Variants in PRR16 observed in about 807,000 individuals in gnomAD.
PRR16 encodes proline rich 16.
A neutral mutation model predicts 18.2 loss-of-function variants in PRR16; 6 were observed. That is an observed-to-expected ratio of 0.33 (90% CI 0.18 to 0.65). The LOEUF (loss-of-function observed/expected upper bound fraction) is 0.65, where lower values mean the gene tolerates loss of function less well. Ranked by LOEUF, PRR16 falls within the 30% of genes least tolerant of loss-of-function variation. The pLI is 0.74. For missense variants in PRR16, 412 were observed against 376.6 expected, an observed-to-expected ratio of 1.09 and a Z score of -0.78; for synonymous variants, 151 against 147.8, an observed-to-expected ratio of 1.02 and a Z score of -0.16.
chr5:120,677,711 G>A (rs2150151522), intron 1 of PRR16, among the ~76,000 whole-genome samples: 1 of 152,084 alleles, frequency 6.6e-6, no homozygotes, highest in South Asian at 2.1e-4. Context: ...AGGAGCTAAA[G>A]ATTCACTCAA....
the PRR16 span, among the ~76,000 whole-genome samples, chr5:120,778,266 G>T: frequency 6.6e-6 from 1 of 152,072 alleles, no homozygotes; most frequent in East Asian, 1.9e-4. Context: ...TAAACTTGTA[G>T]GATATCTTAT....
the PRR16 span, among the ~76,000 whole-genome samples, chr5:120,772,895 C>G: frequency 6.6e-6 from 1 of 152,110 alleles, no homozygotes; most frequent in Admixed American, 6.6e-5. Flanking sequence ...ATCTGAAGCT[C>G]ATACGAATTT....
chr5:120,609,708 C>T (rs537795398), intron 1 of PRR16, among the ~76,000 whole-genome samples: 5 of 152,264 alleles, frequency 3.3e-5, no homozygotes, highest in Non-Finnish European at 7.4e-5. Context: ...ACCTACATTA[C>T]TCATGCAATG....
chr5:120,708,659 T>C, the PRR16 span, among the ~76,000 whole-genome samples: 1 of 152,136 alleles, frequency 6.6e-6, no homozygotes, highest in African/African-American at 2.4e-5. Context: ...CTGTAAACAT[T>C]AAAGAAAGAT....
intron 1 of PRR16, among the ~76,000 whole-genome samples, chr5:120,624,406 C>T (rs1754794531): frequency 6.6e-6 from 1 of 152,078 alleles, no homozygotes; most frequent in African/African-American, 2.4e-5. Context: ...TAGAACAAAA[C>T]TGATCATGCC....
chr5:120,563,881 A>G (rs988980905), intron 1 of PRR16, among the ~76,000 whole-genome samples: 1 of 152,196 alleles, frequency 6.6e-6, no homozygotes, highest in Non-Finnish European at 1.5e-5. Context: ...TGAAGTTGGC[A>G]TATCTCAGAG....
At chr5:120,464,821 T>C (rs1749022871) in intron 1 of PRR16, among the ~76,000 whole-genome samples, 176 bp downstream of exon 1, 1 of 152,128 alleles carries the variant, frequency 6.6e-6, no homozygotes, top group African/African-American at 2.4e-5. Flanking sequence ...TGTTGCACTT[T>C]TTAATTTTTT....
the PRR16 span, among the ~76,000 whole-genome samples, chr5:120,735,566 T>C: frequency 1.3e-5 from 2 of 152,282 alleles, no homozygotes. Context: ...CTTTAATGAT[T>C]AGTGATCATG....
At chr5:120,641,568 G>A (rs1221994274) in intron 1 of PRR16, among the ~76,000 whole-genome samples, 1 of 152,052 alleles carries the variant, frequency 6.6e-6, no homozygotes, top group Admixed American at 6.6e-5. Flanking sequence ...TGGCAAAAAT[G>A]AACCCCACAC....
At chr5:120,674,389 T>G (rs768784042) in intron 1 of PRR16, among the ~76,000 whole-genome samples, 2 of 152,204 alleles carry the variant, frequency 1.3e-5, no homozygotes, top group African/African-American at 4.8e-5. Context: ...GTGAAGGAAG[T>G]AAGTGTCTTT....
the PRR16 span, among the ~76,000 whole-genome samples, chr5:120,791,844 A>C: frequency 6.4e-4 from 97 of 152,268 alleles, no homozygotes; most frequent in African/African-American, 2.1e-3. Flanking sequence ...CTGTACACTT[A>C]AATTGGTTTA....
intron 1 of PRR16, among the ~76,000 whole-genome samples, chr5:120,518,424 T>C (rs1343458609): frequency 6.6e-6 from 1 of 152,134 alleles, no homozygotes; most frequent in African/African-American, 2.4e-5. Flanking sequence ...AGACTAGGGA[T>C]GAGGCTTCAA....
the PRR16 span, among the ~76,000 whole-genome samples, chr5:120,692,386 CTG>C: frequency 2.0e-5 from 3 of 152,156 alleles, no homozygotes; most frequent in Non-Finnish European, 4.4e-5. Context: ...AAAGTAAAGA[CTG>C]TGTTGACTCT....
chr5:120,539,737 A>G (rs1272574057), intron 1 of PRR16, among the ~76,000 whole-genome samples: 1 of 152,220 alleles, frequency 6.6e-6, no homozygotes, highest in Non-Finnish European at 1.5e-5. Flanking sequence ...ATTTTGAGTC[A>G]TGAGATTCTT....
intron 1 of PRR16, among the ~76,000 whole-genome samples, chr5:120,584,570 C>T (rs1488198074): frequency 7.2e-5 from 11 of 151,978 alleles, no homozygotes; most frequent in Non-Finnish European, 4.4e-5. Context: ...ATATTCTGTT[C>T]CCCAGGCATT....
chr5:120,704,242 T>A, the PRR16 span, among the ~76,000 whole-genome samples: 1 of 152,184 alleles, frequency 6.6e-6, no homozygotes, highest in Non-Finnish European at 1.5e-5. Context: ...TATGGAAAGC[T>A]GAGTTCCCAA....
intron 1 of PRR16, among the ~76,000 whole-genome samples, chr5:120,482,188 T>A (rs777944439): frequency 1.3e-5 from 2 of 152,180 alleles, no homozygotes; most frequent in Non-Finnish European, 2.9e-5. Flanking sequence ...TTAACATGGG[T>A]ATATTGTGTG....
intron 1 of PRR16, among the ~76,000 whole-genome samples, chr5:120,653,956 C>G (rs1755878236): frequency 6.6e-6 from 1 of 152,026 alleles, no homozygotes. Context: ...TGTCCCTTAA[C>G]AAATTACTGA....
chr5:120,477,851 G>A (rs900683256), intron 1 of PRR16, among the ~76,000 whole-genome samples: 5 of 152,026 alleles, frequency 3.3e-5, no homozygotes, highest in Admixed American at 1.3e-4. Context: ...ACATTTTCAC[G>A]CCTATATCCC....
Sources: allele counts gnomAD v4.1 joint callset (sites outside exome capture counted in the v4.1 genomes callset), GRCh38; gene constraint gnomAD v4.1.1; transcripts MANE v1.5; gene names NCBI Gene and HGNC (gene_info 2026-07-23, HGNC 2026-07-21).